Variants in WDR86 observed in about 807,000 individuals in gnomAD.
WDR86 encodes the protein WD repeat-containing protein 86.
WDR86 carries 30 observed loss-of-function variants against 36.5 expected under a neutral mutation model. That is an observed-to-expected ratio of 0.82 (90% confidence interval 0.61 to 1.11). WDR86 has a LOEUF of 1.11. WDR86 is among the 50% of genes most tolerant of loss of function. The pLI is 0.00. For synonymous variants in WDR86, 255 were observed against 252.9 expected (o/e 1.01, Z -0.08); for missense variants, 545 against 561.2 (o/e 0.97, Z 0.29).
rs1049865136 is a variant in WDR86, at chr7:151,401,286, C to T, written c.164-1045G>A. Among the ~76,000 whole-genome samples, 1 of 152,182 alleles carries T rather than the reference C, an allele frequency of 6.6e-6. No individual in the cohort carries two copies. Among genetic ancestry groups the T allele is most frequent in the Non-Finnish European group, 1.5e-5 (1 of 68,044 alleles). ...TTGCTGTGTGTCTCCTGTTTCAATT[C>T]TGTTAAACTAAGAAGACAAGAACTG... On this transcript the variant is annotated intron_variant, in intron 1 of 5. Transcript: ENST00000334493. The surrounding 1 kb of genome is among the most constrained non-coding windows in gnomAD (Gnocchi z 4.3).
chr7:151,371,985 G>A (rs1426116109), downstream of WDR86, among the ~76,000 whole-genome samples: 1 of 152,196 alleles, frequency 6.6e-6, no homozygotes, highest in Non-Finnish European at 1.5e-5. Context: ...TGGGATTACA[G>A]GTGTGAGCCA....
the WDR86 span, among the ~76,000 whole-genome samples, chr7:151,369,652 G>A: frequency 6.6e-6 from 1 of 152,320 alleles, no homozygotes; most frequent in South Asian, 2.1e-4. Context: ...GTTCTGCAGT[G>A]AAAGAACTGA....
chr7:151,395,494 G>GGGAC (rs1554421978), intron 3 of WDR86, among the ~76,000 whole-genome samples: 1,990 of 147,096 alleles, frequency 0.014, 27 homozygotes, highest in African/African-American at 0.028. Context: ...AAGAGATTAG[G>GGGAC]ACACACACAC....
intron 2 of WDR86, among the ~76,000 whole-genome samples, chr7:151,399,670 C>A (rs1339986321): frequency 6.6e-6 from 1 of 152,244 alleles, no homozygotes; most frequent in African/African-American, 2.4e-5. Context: ...AAAGGAGAGG[C>A]TTAAAAATAT....
rs921117841 is a variant in WDR86, at chr7:151,400,084, C to A, written c.305+16G>T. 1.9e-6 allele frequency: 3 copies of A among 1,549,800 alleles called. No homozygotes were observed. Among genetic ancestry groups the A allele is most frequent in the African/African-American group, 2.8e-5 (2 of 72,574 alleles). On this transcript the variant is annotated intron_variant, in intron 2 of 5. Transcript: ENST00000334493. ...ATGTATGGTGAGACTCAGCCCAAGC[C>A]CCCAGCCAGGCTGACCTGTTCACGA...
intron 3 of WDR86, 29 bp downstream of exon 3, chr7:151,395,747 C>CT: frequency 6.6e-7 from 1 of 1,523,612 alleles, no homozygotes; most frequent in East Asian, 2.5e-5. Context: ...GCTCCCCTGG[C>CT]TGCTGGGCGG....
chr7:151,400,123 T>C lies in WDR86; in HGVS notation c.282A>G (p.Arg94=). Residue 94 remains arginine (R), a synonymous_variant, in exon 2 of 6, where the codon CGA becomes CGG. Coordinates refer to ENST00000334493, the MANE Select transcript of WDR86 (RefSeq NM_198285.3). The part of the protein sequence containing the change: ...VLTGQCLQVY[R]GHTSIVNRIL... ...ACCTGTTCACGATGGACGTGTGTCC[T>C]CGGTACACCTGCAGACACTGCCCGG... 6.2e-7 allele frequency: 1 copy of C among 1,607,632 alleles called. No individual in the cohort carries two copies. The highest frequency in any genetic ancestry group is 1.1e-5 in the South Asian group (1 of 89,728).
intron 1 of WDR86, among the ~76,000 whole-genome samples, chr7:151,404,524 G>A (rs1443687001): frequency 6.6e-6 from 1 of 152,178 alleles, no homozygotes; most frequent in Non-Finnish European, 1.5e-5. Flanking sequence ...TAGCGGGGAG[G>A]AGGCGGAACC....
intron 4 of WDR86, 31 bp from the exon 5 acceptor site, chr7:151,382,012 C>T (rs1200386020): frequency 1.9e-6 from 3 of 1,559,994 alleles, no homozygotes; most frequent in South Asian, 1.2e-5. Context: ...CTGGGCCTCC[C>T]TCCCTGCTCG....
chr7:151,395,668 T>C, intron 3 of WDR86, 108 bp downstream of exon 3: 1 of 1,338,590 alleles, frequency 7.5e-7, no homozygotes, highest in Non-Finnish European at 1.0e-6. Flanking sequence ...GGCCCCCATC[T>C]GCAGCGCTTT....
At chr7:151,397,129 C>T (rs1470796442) in intron 2 of WDR86, among the ~76,000 whole-genome samples, 6 of 152,222 alleles carry the variant, frequency 3.9e-5, no homozygotes, top group African/African-American at 1.2e-4. Context: ...GGGGTGCGGC[C>T]GTGGCTGCAC....
Position 151,390,570 on chromosome 7 carries a change from C to T in WDR86, c.726+5206G>A, listed in dbSNP as rs933804928. On this transcript the variant is annotated intron_variant, in intron 3 of 5. Coordinates refer to ENST00000334493, the MANE Select transcript of WDR86 (RefSeq NM_198285.3). The surrounding 1 kb of genome is among the most constrained non-coding windows in gnomAD (Gnocchi z 4.5). ...GCAGTCCCACTGGCAGGCATATACC[C>T]GAGAACTGAAGGCAGGATGCACCCA... 2.6e-5 allele frequency among the ~76,000 whole-genome samples: 4 copies of T among 152,184 alleles called. No homozygotes were observed. Among genetic ancestry groups the T allele is most frequent in the African/African-American group, 9.7e-5 (4 of 41,448 alleles).
chr7:151,394,516 C>T (rs918485455), intron 3 of WDR86, among the ~76,000 whole-genome samples: 1 of 152,346 alleles, frequency 6.6e-6, no homozygotes, highest in Middle Eastern at 3.4e-3. Context: ...CCGCAGGGGT[C>T]GGACCTGCCC....
At chr7:151,369,481 G>A in the WDR86 span, among the ~76,000 whole-genome samples, 10 of 152,036 alleles carry the variant, frequency 6.6e-5, no homozygotes, top group African/African-American at 2.4e-4. Flanking sequence ...TTAAAGTTGG[G>A]GATTGCATCC....
downstream of WDR86, chr7:151,378,493 G>A (rs1584984305): frequency 6.6e-6 from 1 of 152,372 alleles, no homozygotes; most frequent in East Asian, 1.9e-4. Context: ...CTCCCCAGCT[G>A]TAGGTGTTGA....
intron 1 of WDR86, among the ~76,000 whole-genome samples, chr7:151,407,334 G>T (rs1800779837): frequency 6.6e-6 from 1 of 152,222 alleles, no homozygotes; most frequent in Admixed American, 6.5e-5. Flanking sequence ...TGGGCAGGAG[G>T]GTGGGCCCTG....
At chr7:151,392,465 G>A (rs893984016) in intron 3 of WDR86, among the ~76,000 whole-genome samples, 1 of 152,174 alleles carries the variant, frequency 6.6e-6, no homozygotes, top group Non-Finnish European at 1.5e-5. Flanking sequence ...CACTGTGAGA[G>A]CATCCCCATG....
chr7:151,382,549 C>T (rs535742507), intron 4 of WDR86, among the ~76,000 whole-genome samples: 25 of 152,332 alleles, frequency 1.6e-4, no homozygotes, highest in Admixed American at 4.6e-4. Context: ...CATTTGCATC[C>T]GTCACTTGGA....
rs909637396 is a variant in WDR86, at chr7:151,385,604, G to A, written c.727-381C>T. On this transcript the variant is annotated intron_variant, in intron 3 of 5. Transcript: ENST00000334493. ...GCTGGCTGAGGAGAGGGCTTCCAGA[G>A]AAGGGCTTTCACATGGGGCTTTTGC... 2.0e-5 allele frequency among the ~76,000 whole-genome samples: 3 copies of A among 152,328 alleles called. No individual in the cohort carries two copies. In the East Asian group the frequency reaches 5.8e-4, roughly 29 times the overall value.
Sources: gnomAD v4.1 joint callset for allele counts (sites outside exome capture counted in the v4.1 genomes callset) on GRCh38, gnomAD v4.1.1 for gene constraint, Gnocchi (gnomAD v3.1) non-coding constraint, MANE v1.5 for transcripts, NCBI Gene and HGNC (gene_info 2026-07-23, HGNC 2026-07-21) for gene names.